Variants in NTM observed in about 807,000 individuals in gnomAD.
NTM encodes IgLON family member 2.
In NTM, 13 loss-of-function variants were observed where a neutral mutation model predicts 42.1. The ratio of observed to expected loss-of-function variants is 0.31; its 90% CI spans 0.20 to 0.49. The LOEUF (loss-of-function observed/expected upper bound fraction) is 0.49, where lower values mean the gene tolerates loss of function less well. Among genes scored for constraint, NTM ranks in the 20% least tolerant of loss-of-function variants. The pLI is 0.99. For missense variants in NTM, 373 were observed against 452.8 expected, an observed-to-expected ratio of 0.82 and a Z score of 1.60; for synonymous variants, 187 against 179.2, an observed-to-expected ratio of 1.04 and a Z score of -0.35.
chr11:132,301,092 A>G (rs2094831211), intron 4 of NTM, among the ~76,000 whole-genome samples: 1 of 152,186 alleles, frequency 6.6e-6, no homozygotes, highest in East Asian at 1.9e-4. Context: ...GATAATTTAT[A>G]AAGAAAAGAG....
intron 2 of NTM, among the ~76,000 whole-genome samples, chr11:132,050,070 C>T (rs1276135955): frequency 6.6e-6 from 1 of 152,122 alleles, no homozygotes; most frequent in East Asian, 1.9e-4. Context: ...TGCTCAGTGG[C>T]ATTTACCTAA....
At chr11:131,397,514 A>G (rs1312331632) in intron 1 of NTM, among the ~76,000 whole-genome samples, 2 of 152,120 alleles carry the variant, frequency 1.3e-5, no homozygotes, top group Non-Finnish European at 1.5e-5. Flanking sequence ...CTAATTTTGT[A>G]TTATTTCATC....
intron 1 of NTM, among the ~76,000 whole-genome samples, chr11:131,622,022 C>T (rs1425384353): frequency 6.6e-6 from 1 of 152,162 alleles, no homozygotes; most frequent in Non-Finnish European, 1.5e-5. Flanking sequence ...AAGCCACATT[C>T]CTGAGAAGGG....
intron 1 of NTM, among the ~76,000 whole-genome samples, chr11:131,606,255 C>A (rs2060948801): frequency 6.6e-6 from 1 of 152,152 alleles, no homozygotes; most frequent in Admixed American, 6.5e-5. Context: ...AGGCTCTCAG[C>A]ATGTTGTGCA....
In NTM at chr11:131,865,544, T is replaced by A. The variant is rs371283770; in HGVS notation, c.83-46020T>A. Among the ~76,000 whole-genome samples, 23 of 152,282 alleles carry A rather than the reference T, an allele frequency of 1.5e-4. No individual in the cohort carries two copies. The East Asian group carries it at 4.1e-3, about 27-fold the overall frequency. On this transcript the variant is annotated intron_variant, in intron 1 of 8. Transcript: ENST00000683400. ...AACCCAAAACAAGCAAACAGAACAATGCTAGCAGATTCTTAGTACAGTTGC... is the reference window on the plus strand; with the variant it reads ...AACCCAAAACAAGCAAACAGAACAAAGCTAGCAGATTCTTAGTACAGTTGC...
At chr11:131,795,422 T>C in intron 1 of NTM, 1 of 985,392 alleles carries the variant, frequency 1.0e-6, no homozygotes, top group Non-Finnish European at 1.2e-6. Context: ...TGTCCTTAAA[T>C]ACACTATTGG....
intron 1 of NTM, among the ~76,000 whole-genome samples, chr11:131,767,474 A>G (rs899885248): frequency 6.6e-6 from 1 of 151,982 alleles, no homozygotes; most frequent in African/African-American, 2.4e-5. Context: ...CCCTAACCCA[A>G]CCCCCAGTGG....
At chr11:132,148,734 G>A (rs752756137) in intron 3 of NTM, among the ~76,000 whole-genome samples, 37 of 152,238 alleles carry the variant, frequency 2.4e-4, no homozygotes, top group African/African-American at 8.9e-4. Context: ...AATGCTTATT[G>A]AAGCAAATGG....
At chr11:131,666,970 T>G (rs2069171701) in intron 1 of NTM, among the ~76,000 whole-genome samples, 1 of 152,132 alleles carries the variant, frequency 6.6e-6, no homozygotes, top group African/African-American at 2.4e-5. Flanking sequence ...CCGTGCAGTG[T>G]TCTCTAAGGA....
At chr11:132,238,174 C>T (rs1231230008) in intron 4 of NTM, among the ~76,000 whole-genome samples, 1 of 152,074 alleles carries the variant, frequency 6.6e-6, no homozygotes, top group East Asian at 1.9e-4. Flanking sequence ...TACCCTTAAT[C>T]GGCGAGGATG....
At chr11:132,144,987 G>T (rs939008765) in intron 2 of NTM, among the ~76,000 whole-genome samples, 6 of 152,334 alleles carry the variant, frequency 3.9e-5, no homozygotes, top group East Asian at 1.9e-4. Flanking sequence ...GGGACAGGGG[G>T]TCTCCTGAAG....
At chr11:131,444,203 C>CA (rs71475757) in intron 1 of NTM, among the ~76,000 whole-genome samples, 4,074 of 49,158 alleles carry the variant, frequency 0.083, 159 homozygotes, top group African/African-American at 0.094. Context: ...AGGTTAGAAC[C>CA]AAAAAAAAAA....
intron 2 of NTM, among the ~76,000 whole-genome samples, chr11:132,109,677 C>T (rs1019898114): frequency 6.6e-6 from 1 of 152,140 alleles, no homozygotes; most frequent in African/African-American, 2.4e-5. Context: ...GCCTCTTGGC[C>T]AGCCATGCTG....
At chr11:132,033,995 C>A (rs1348562919) in intron 2 of NTM, among the ~76,000 whole-genome samples, 1 of 152,106 alleles carries the variant, frequency 6.6e-6, no homozygotes, top group Non-Finnish European at 1.5e-5. Context: ...TCATCTAATT[C>A]TTTTATTTTT....
At chr11:131,466,455 T>C (rs1420980646) in intron 1 of NTM, among the ~76,000 whole-genome samples, 3 of 152,196 alleles carry the variant, frequency 2.0e-5, no homozygotes, top group Non-Finnish European at 4.4e-5. Flanking sequence ...CAAACTTGCA[T>C]AAGGCTTAAG....
intron 1 of NTM, among the ~76,000 whole-genome samples, chr11:131,787,409 C>T (rs997354378): frequency 3.3e-5 from 4 of 120,296 alleles, no homozygotes; most frequent in African/African-American, 1.2e-4. Context: ...GAGACAGAGT[C>T]TCTCTCTGGC....
chr11:131,434,413 A>C (rs1385667759), intron 1 of NTM, among the ~76,000 whole-genome samples: 1 of 152,202 alleles, frequency 6.6e-6, no homozygotes, highest in Non-Finnish European at 1.5e-5. Flanking sequence ...AACAGTGTAA[A>C]AGCATTCCTA....
intron 4 of NTM, among the ~76,000 whole-genome samples, chr11:132,216,867 G>A (rs568559122): frequency 3.3e-5 from 5 of 152,298 alleles, no homozygotes; most frequent in South Asian, 2.1e-4. Flanking sequence ...TCTGGCTGGC[G>A]AGTCTCCAGG....
intron 1 of NTM, among the ~76,000 whole-genome samples, chr11:131,648,248 C>T (rs187312927): frequency 5.1e-4 from 78 of 152,274 alleles, no homozygotes; most frequent in African/African-American, 1.8e-3. Flanking sequence ...TTTCTTTATC[C>T]AGTCCACCAT....
Sources: gnomAD v4.1 joint callset for allele counts (sites outside exome capture counted in the v4.1 genomes callset) on GRCh38, gnomAD v4.1.1 for gene constraint, MANE v1.5 for transcripts, NCBI Gene and HGNC (gene_info 2026-07-23, HGNC 2026-07-21) for gene names.